BMP8B: variants seen among roughly 807,000 people sequenced by gnomAD.
BMP8B encodes bone morphogenetic protein 8b.
BMP8B carries 17 observed loss-of-function variants against 30.3 expected under a neutral mutation model. The ratio of observed to expected loss-of-function variants is 0.56; its 90% CI spans 0.38 to 0.84. BMP8B has a LOEUF of 0.84. Ranked by LOEUF, BMP8B falls within the 40% of genes least tolerant of loss-of-function variation. The pLI is 0.00. For synonymous variants in BMP8B, 131 were observed against 214.7 expected (o/e 0.61, Z 3.41); for missense variants, 253 against 494.6 (o/e 0.51, Z 4.63).
chr1:39,776,632 C>T (rs1650253414), intron 1 of BMP8B, among the ~76,000 whole-genome samples: 1 of 152,176 alleles, frequency 6.6e-6, no homozygotes, highest in African/African-American at 2.4e-5. Flanking sequence ...GCCGCTCATC[C>T]CAGCCCAGGG....
At position 39,758,824 on chromosome 1, in the gene BMP8B, G is replaced by A. The variant is rs1648565625; in HGVS notation, c.*1595C>T. 1 of 152,200 alleles carries A rather than the reference G, an allele frequency of 6.6e-6. No individual in the cohort carries two copies. Among genetic ancestry groups the A allele is most frequent in the African/African-American group, 2.4e-5 (1 of 41,450 alleles). The allele number at this position is 152,200 out of a possible 1,614,324, so 9.4% of individuals were successfully genotyped here. ...TACATGGGAGGGTCTCTTCCTCTGC[G>A]CTTGCACATGGAGGCCCTCCCTGGT... On this transcript the variant is annotated 3_prime_UTR_variant, in exon 7 of 7. Transcript: ENST00000372827.
intron 1 of BMP8B, among the ~76,000 whole-genome samples, chr1:39,785,878 T>C (rs1011061052): frequency 1.3e-5 from 2 of 152,220 alleles, no homozygotes; most frequent in Non-Finnish European, 2.9e-5. Context: ...GTTCTACTAG[T>C]GCAGTTAGCA....
rs1648686949 is a variant in BMP8B, at chr1:39,759,729, T to C, written c.*690A>G. 1 of 152,254 alleles carries C rather than the reference T, an allele frequency of 6.6e-6. No individual in the cohort carries two copies. The highest frequency in any genetic ancestry group is 2.1e-4 in the South Asian group (1 of 4,830). 9.4% of individuals were successfully genotyped at this position (152,254 alleles called of 1,614,324 possible). A position where few individuals can be genotyped will look rare whatever the true frequency, so the allele number is the denominator to read the frequency against. ...CTGTTTCTCCAAAGTAAAATGTCCA[T>C]GCTCTTACATGTCTTTCCTAGATGG... On this transcript the variant is annotated 3_prime_UTR_variant, in exon 7 of 7. Coordinates refer to ENST00000372827, the MANE Select transcript of BMP8B (RefSeq NM_001720.5).
chr1:39,788,855 C>A lies in BMP8B; in HGVS notation c.-370G>T, dbSNP rs1651194093. 1 of 151,976 alleles carries A rather than the reference C, an allele frequency of 6.6e-6. No individual in the cohort carries two copies. The highest frequency in any genetic ancestry group is 1.5e-5 in the Non-Finnish European group (1 of 68,124). 9.4% of individuals were successfully genotyped at this position (151,976 alleles called of 1,614,324 possible). ...GCAGCCACCCGCTTGGTGCGGTTCC[C>A]GCGAGTCCCTGCCCTGCCCTGCCCA... On this transcript the variant is annotated 5_prime_UTR_variant, in exon 1 of 7. Coordinates refer to ENST00000372827, the MANE Select transcript of BMP8B (RefSeq NM_001720.5). The surrounding 1 kb of genome is among the most constrained non-coding windows in gnomAD (Gnocchi z 5.8).
At position 39,778,954 on chromosome 1, in the gene BMP8B, C is replaced by G. The variant is rs192786724; in HGVS notation, c.335-3916G>C. On this transcript the variant is annotated intron_variant, in intron 1 of 6. Transcript: ENST00000372827. ...CATTCTTTGGTCAGACCTGGAAAGG[C>G]CTTCAGGCAACCCTGCAGAGATGGG... is the stretch of plus-strand genomic sequence containing the variant. Among the ~76,000 whole-genome samples, 132 of 152,262 alleles carry G rather than the reference C, an allele frequency of 8.7e-4. 1 individual carries two copies. The highest frequency in any genetic ancestry group is 3.0e-3 in the African/African-American group (125 of 41,554).
At position 39,788,699 on chromosome 1, in the gene BMP8B, G is replaced by T. The variant is rs1262228392; in HGVS notation, c.-214C>A. ...TCCTGGCTCCTGGACGAGAGGACGCGGACGCCACCGCCTCGAGGCCGGGGC... is the reference window on the plus strand; with the variant it reads ...TCCTGGCTCCTGGACGAGAGGACGCTGACGCCACCGCCTCGAGGCCGGGGC... On this transcript the variant is annotated 5_prime_UTR_variant, in exon 1 of 7. Coordinates refer to ENST00000372827, the MANE Select transcript of BMP8B (RefSeq NM_001720.5). The surrounding 1 kb of genome is among the most constrained non-coding windows in gnomAD (Gnocchi z 5.8). 1.2e-5 allele frequency: 3 copies of T among 244,402 alleles called. No individual in the cohort carries two copies. The highest frequency in any genetic ancestry group is 1.3e-5 in the Non-Finnish European group (2 of 152,892). 15.1% of individuals were successfully genotyped at this position (244,402 alleles called of 1,614,324 possible).
chr1:39,760,174 T>C lies in BMP8B; in HGVS notation c.*245A>G. 1 of 646,010 alleles carries C rather than the reference T, an allele frequency of 1.5e-6. No individual in the cohort carries two copies. Among genetic ancestry groups the C allele is most frequent in the African/African-American group, 1.8e-5 (1 of 54,688 alleles). The allele number at this position is 646,010 out of a possible 1,614,324, so 40.0% of individuals were successfully genotyped here. A position where few individuals can be genotyped will look rare whatever the true frequency, so the allele number is the denominator to read the frequency against. ...ATGCCTCCGGGAGAGGCGTTTGCATTTGGGTAGAACACTGCCTGATGATTG... is the reference window on the plus strand; with the variant it reads ...ATGCCTCCGGGAGAGGCGTTTGCATCTGGGTAGAACACTGCCTGATGATTG... On this transcript the variant is annotated 3_prime_UTR_variant, in exon 7 of 7. Coordinates refer to ENST00000372827, the MANE Select transcript of BMP8B (RefSeq NM_001720.5).
At chr1:39,783,497 T>C (rs569368539) in intron 1 of BMP8B, among the ~76,000 whole-genome samples, 1 of 152,246 alleles carries the variant, frequency 6.6e-6, no homozygotes, top group East Asian at 1.9e-4. Context: ...ACAAATACCT[T>C]TGGGCATACA....
chr1:39,780,227 C>T lies in BMP8B; in HGVS notation c.335-5189G>A, dbSNP rs570328057. The stretch of plus-strand genomic sequence containing the variant: ...TGTGCATCTCAGGAAGTGGGACCAT[C>T]GAGGGCCATGGTGAAGGCGGCACCA... On this transcript the variant is annotated intron_variant, in intron 1 of 6. Transcript: ENST00000372827. Among the ~76,000 whole-genome samples, 5 of 152,278 alleles carry T rather than the reference C, an allele frequency of 3.3e-5. No homozygotes were observed. In the South Asian group the frequency reaches 6.2e-4, roughly 19 times the overall value.
At chr1:39,784,368 T>G (rs1447161473) in intron 1 of BMP8B, among the ~76,000 whole-genome samples, 2 of 148,722 alleles carry the variant, frequency 1.3e-5, no homozygotes, top group Non-Finnish European at 3.0e-5. Context: ...ATTCCTTGTG[T>G]GTGGGTCTCA....
At chr1:39,780,550 G>C (rs1051025882) in intron 1 of BMP8B, among the ~76,000 whole-genome samples, 2 of 152,204 alleles carry the variant, frequency 1.3e-5, no homozygotes, top group African/African-American at 2.4e-5. Flanking sequence ...AAGCTCCTGA[G>C]CAGGAAAAGC....
At chr1:39,782,240 C>T (rs1410322316) in intron 1 of BMP8B, among the ~76,000 whole-genome samples, 3 of 151,952 alleles carry the variant, frequency 2.0e-5, no homozygotes, top group Non-Finnish European at 4.4e-5. Flanking sequence ...TCACGAGCGA[C>T]TCAATGCTGA....
At chr1:39,763,245 C>T (rs374780525) in intron 5 of BMP8B, 43 bp from the exon 6 acceptor site, 51 of 1,550,486 alleles carry the variant, frequency 3.3e-5, no homozygotes, top group Non-Finnish European at 4.4e-5. Flanking sequence ...ATGTGCCCCT[C>T]CCTGAGCCTC....
chr1:39,782,759 G>A (rs1380710428), intron 1 of BMP8B, among the ~76,000 whole-genome samples: 4 of 151,700 alleles, frequency 2.6e-5, no homozygotes, highest in South Asian at 2.1e-4. Flanking sequence ...GTGAGCTTCC[G>A]TGCCTGGCCA....
At chr1:39,785,948 C>T (rs1394815354) in intron 1 of BMP8B, among the ~76,000 whole-genome samples, 2 of 152,240 alleles carry the variant, frequency 1.3e-5, no homozygotes, top group East Asian at 3.8e-4. Context: ...CCTGGGCTTC[C>T]ACTAACAATG....
chr1:39,762,499 C>T lies in BMP8B; in HGVS notation c.1059+593G>A, dbSNP rs1338782049. ...CAGCACCAGTGATCCCATCAGAAAC[C>T]TGCTTTTGTCCTTTAAGGTTGCCCC... On this transcript the variant is annotated intron_variant, in intron 6 of 6. Coordinates refer to ENST00000372827, the MANE Select transcript of BMP8B (RefSeq NM_001720.5). 17 of 1,546,188 alleles carry T rather than the reference C, an allele frequency of 1.1e-5. 1 individual carries two copies. In the South Asian group the frequency reaches 1.8e-4, roughly 16 times the overall value.
chr1:39,780,350 C>G (rs1226914109), intron 1 of BMP8B, among the ~76,000 whole-genome samples: 3 of 152,248 alleles, frequency 2.0e-5, no homozygotes, highest in Non-Finnish European at 4.4e-5. Context: ...CAACTGGAAG[C>G]ATCCAAGGTG....
rs371019647 is a variant in BMP8B at position 39,776,243 on chromosome 1, G to A, written c.335-1205C>T. Among the ~76,000 whole-genome samples the A allele has an allele frequency of 2.7e-4, 41 of 152,080 alleles. No homozygotes were observed. In the East Asian group the frequency reaches 7.1e-3, roughly 26 times the overall value. On this transcript the variant is annotated intron_variant, in intron 1 of 6. Transcript: ENST00000372827. ...CCAATCAAACAAAGGCTGTAGTTGCGGAATAAAGCCCACATTTCCCCAGGT... is the reference window on the plus strand; with the variant it reads ...CCAATCAAACAAAGGCTGTAGTTGCAGAATAAAGCCCACATTTCCCCAGGT...
chr1:39,775,490 A>G (rs1056842856), intron 1 of BMP8B, among the ~76,000 whole-genome samples: 23 of 152,212 alleles, frequency 1.5e-4, no homozygotes, highest in Non-Finnish European at 2.4e-4. Context: ...AACTGACGGC[A>G]TCTCAGGGGA....
Sources: allele counts gnomAD v4.1 joint callset (sites outside exome capture counted in the v4.1 genomes callset), GRCh38; gene constraint gnomAD v4.1.1; non-coding constraint Gnocchi (gnomAD v3.1); transcripts MANE v1.5; gene names NCBI Gene and HGNC (gene_info 2026-07-23, HGNC 2026-07-21).